Variants in BACE2 observed in about 807,000 individuals in gnomAD.
The protein encoded by BACE2 is 56 kDa aspartic-like protease.
Under a neutral mutation model 46.2 loss-of-function variants are expected in BACE2, and 17 were observed. That is an observed-to-expected ratio of 0.37 (90% CI 0.25 to 0.55). The LOEUF is 0.55. BACE2 is among the 20% of genes least tolerant of loss of function. The pLI is 0.82. For missense variants in BACE2, 595 were observed against 698.1 expected, an observed-to-expected ratio of 0.85 and a Z score of 1.66; for synonymous variants, 277 against 295.9, an observed-to-expected ratio of 0.94 and a Z score of 0.66.
At chr21:41,188,203 T>A (rs1342690421) in intron 1 of BACE2, among the ~76,000 whole-genome samples, 1 of 152,108 alleles carries the variant, frequency 6.6e-6, no homozygotes, top group East Asian at 1.9e-4. Context: ...GTGGAATCAC[T>A]CTGTGCCCAG....
chr21:41,197,863 C>G (rs879640953), intron 1 of BACE2, among the ~76,000 whole-genome samples: 2 of 152,064 alleles, frequency 1.3e-5, no homozygotes, highest in Non-Finnish European at 2.9e-5. Context: ...CACTGTGTGC[C>G]CTGAACCAGT....
chr21:41,225,614 AG>A, intron 1 of BACE2: 1 of 152,444 alleles, frequency 6.6e-6, no homozygotes, highest in Non-Finnish European at 1.5e-5. Flanking sequence ...GGGGACCAGA[AG>A]GGAAAGGGGC....
chr21:41,203,916 G>A (rs1234189019), intron 1 of BACE2, among the ~76,000 whole-genome samples: 4 of 152,214 alleles, frequency 2.6e-5, no homozygotes, highest in African/African-American at 9.7e-5. Flanking sequence ...GAGAAGAGCT[G>A]TTTTTGGGGG....
At chr21:41,262,912 A>G (rs1347632897) in intron 8 of BACE2, among the ~76,000 whole-genome samples, 1 of 151,518 alleles carries the variant, frequency 6.6e-6, no homozygotes, top group Non-Finnish European at 1.5e-5. Context: ...TGAATTTTCT[A>G]TCAAAACAGC....
intron 3 of BACE2, among the ~76,000 whole-genome samples, chr21:41,239,013 G>A (rs1215396232): frequency 2.7e-5 from 4 of 147,910 alleles, no homozygotes; most frequent in Non-Finnish European, 5.9e-5. Context: ...TCCTGGCCCT[G>A]TACCTGGGTA....
rs544918995 is a variant in BACE2, at chr21:41,276,985, G to C, written c.*1361G>C. On this transcript the variant is annotated 3_prime_UTR_variant, in exon 9 of 9. Coordinates refer to ENST00000330333, the MANE Select transcript of BACE2 (RefSeq NM_012105.5). ...AAAGAAAAGTGGAAGCCGTTTCCTTGACATAGCCTTATATGACCTGATGTC... is the reference window on the plus strand; with the variant it reads ...AAAGAAAAGTGGAAGCCGTTTCCTTCACATAGCCTTATATGACCTGATGTC... 6.6e-6 allele frequency: 1 copy of C among 152,068 alleles called. No homozygotes were observed. Among genetic ancestry groups the C allele is most frequent in the African/African-American group, 2.4e-5 (1 of 41,396 alleles). The allele number at this position is 152,068 out of a possible 1,614,324, so 9.4% of individuals were successfully genotyped here. A position where few individuals can be genotyped will look rare whatever the true frequency, so the allele number is the denominator to read the frequency against.
intron 1 of BACE2, among the ~76,000 whole-genome samples, chr21:41,224,209 ATT>A (rs10658440): frequency 1.8e-3 from 176 of 98,880 alleles, no homozygotes; most frequent in Middle Eastern, 6.9e-3. Flanking sequence ...GCCTATTTTG[ATT>A]TTTTTTTTTT....
chr21:41,204,309 G>T (rs1240647068), intron 1 of BACE2, among the ~76,000 whole-genome samples: 1 of 152,206 alleles, frequency 6.6e-6, no homozygotes, highest in African/African-American at 2.4e-5. Flanking sequence ...CCAAAATGCA[G>T]GGATTACAGG....
chr21:41,217,155 C>T (rs919235179), intron 1 of BACE2, among the ~76,000 whole-genome samples: 3 of 152,170 alleles, frequency 2.0e-5, no homozygotes, highest in Admixed American at 6.5e-5. Context: ...TGGTCTTGAA[C>T]TCTGACCTCG....
At chr21:41,175,611 C>G (rs974820792) in intron 1 of BACE2, 5 of 152,542 alleles carry the variant, frequency 3.3e-5, no homozygotes, top group Admixed American at 2.6e-4. Flanking sequence ...GCTGTGCAAA[C>G]CCCCACCAGC....
chr21:41,239,919 C>T (rs574054601), intron 3 of BACE2, among the ~76,000 whole-genome samples: 1 of 152,268 alleles, frequency 6.6e-6, no homozygotes, highest in Non-Finnish European at 1.5e-5. Context: ...CAAATTGTTC[C>T]GAAGATGATA....
chr21:41,217,345 G>C (rs1425624120), intron 1 of BACE2, among the ~76,000 whole-genome samples: 1 of 152,168 alleles, frequency 6.6e-6, no homozygotes, highest in Non-Finnish European at 1.5e-5. Context: ...CATCCACACT[G>C]TCCTCTTCTC....
rs565902341 is a variant in BACE2 at position 41,174,744 on chromosome 21, C to T, written c.312+6169C>T. 4.8e-3 allele frequency among the ~76,000 whole-genome samples: 728 copies of T among 152,244 alleles called. 5 individuals carry two copies. The highest frequency in any genetic ancestry group is 0.017 in the African/African-American group (698 of 41,544). On this transcript the variant is annotated intron_variant, in intron 1 of 8. Transcript: ENST00000330333. ...GTGAGTGAGGTCCCTCTCCAGGTGA[C>T]CTGAGGCTCCTATGACTGACTGTGA... is the stretch of plus-strand genomic sequence containing the variant.
At chr21:41,246,704 A>G (rs1354274250) in intron 6 of BACE2, among the ~76,000 whole-genome samples, 3 of 152,194 alleles carry the variant, frequency 2.0e-5, no homozygotes, top group Non-Finnish European at 2.9e-5. Flanking sequence ...GGCTGATGGT[A>G]TTTCTGGTGT....
At chr21:41,233,089 C>A (rs553477792) in intron 2 of BACE2, among the ~76,000 whole-genome samples, 1 of 152,188 alleles carries the variant, frequency 6.6e-6, no homozygotes, top group South Asian at 2.1e-4. Context: ...AGGATAGTCT[C>A]GATCTCCTGA....
chr21:41,236,653 G>A (rs1987127394), intron 2 of BACE2: 1 of 152,252 alleles, frequency 6.6e-6, no homozygotes, highest in Non-Finnish European at 1.5e-5. Context: ...TGAAGGACCT[G>A]GGCTTCAGCA....
chr21:41,187,623 G>T (rs1162560753), intron 1 of BACE2, among the ~76,000 whole-genome samples: 2 of 152,226 alleles, frequency 1.3e-5, no homozygotes, highest in East Asian at 3.8e-4. Flanking sequence ...AGTTTGGAGT[G>T]TGCCTGTCAT....
chr21:41,203,201 GC>G (rs1986014721), intron 1 of BACE2, among the ~76,000 whole-genome samples: 1 of 152,186 alleles, frequency 6.6e-6, no homozygotes, highest in Non-Finnish European at 1.5e-5. Context: ...GGTGACAGAT[GC>G]TATGAAGAAC....
chr21:41,247,876 C>A (rs1987519273), intron 6 of BACE2, among the ~76,000 whole-genome samples: 2 of 152,178 alleles, frequency 1.3e-5, no homozygotes, highest in African/African-American at 2.4e-5. Flanking sequence ...TCTGGCTTAC[C>A]GTCTCTGGAC....
Sources: allele counts gnomAD v4.1 joint callset (sites outside exome capture counted in the v4.1 genomes callset), GRCh38; gene constraint gnomAD v4.1.1; transcripts MANE v1.5; gene names NCBI Gene and HGNC (gene_info 2026-07-23, HGNC 2026-07-21).